GLG1: variants seen among roughly 807,000 people sequenced by gnomAD.
GLG1 encodes the protein golgi glycoprotein 1.
In GLG1, 38 loss-of-function variants were observed where a neutral mutation model predicts 160.5. The observed-to-expected ratio is 0.24, with a 90% confidence interval of 0.18 to 0.31. The LOEUF is 0.31. GLG1 is among the 10% of genes least tolerant of loss of function. GLG1 has a pLI of 1.00. For missense variants in GLG1, 1,373 were observed against 1,505.2 expected, an observed-to-expected ratio of 0.91 and a Z score of 1.45; for synonymous variants, 644 against 543.4, an observed-to-expected ratio of 1.19 and a Z score of -2.57.
At position 74,456,676 on chromosome 16, in the gene GLG1, C is replaced by T. The variant is rs768630425; in HGVS notation, c.3345G>A (p.Arg1115=). The change falls in exon 25 of 26, where the codon CGG becomes CGA. Residue 1115 remains arginine, a synonymous_variant. Coordinates refer to ENST00000422840, the MANE Select transcript of GLG1 (RefSeq NM_001145667.2). ...QPECKKRLND[R]IEMWSYAAKV... ...TTGCTGCGTAACTCCACATCTCAAT[C>T]CGGTCATTGAGGCGCTTTTTGCACT... 3.1e-6 allele frequency: 5 copies of T among 1,606,100 alleles called. No individual in the cohort carries two copies. Among genetic ancestry groups the T allele is most frequent in the Non-Finnish European group, 4.3e-6 (5 of 1,175,826 alleles).
At chr16:74,476,823 G>A (rs1426769206) in intron 12 of GLG1, among the ~76,000 whole-genome samples, 1 of 152,158 alleles carries the variant, frequency 6.6e-6, no homozygotes, top group Non-Finnish European at 1.5e-5. Context: ...TAACTTCTCT[G>A]AGCTTCAATT....
At chr16:74,508,746 G>C in intron 3 of GLG1, 93 bp downstream of exon 3, 1 of 648,808 alleles carries the variant, frequency 1.5e-6, no homozygotes. Flanking sequence ...TCTAAGAAAA[G>C]TAATGTAACT....
intron 4 of GLG1, among the ~76,000 whole-genome samples, chr16:74,498,131 T>C (rs979206245): frequency 6.6e-6 from 1 of 151,622 alleles, no homozygotes; most frequent in African/African-American, 2.4e-5. Flanking sequence ...AACCAAAGCA[T>C]CTTAAAATAT....
At chr16:74,484,555 G>A (rs181705615) in intron 9 of GLG1, among the ~76,000 whole-genome samples, 137 of 152,072 alleles carry the variant, frequency 9.0e-4, no homozygotes, top group Middle Eastern at 3.4e-3. Flanking sequence ...GAGGTCAGGA[G>A]TTCAAGACCA....
intron 13 of GLG1, among the ~76,000 whole-genome samples, chr16:74,473,494 C>A (rs1396654866): frequency 7.5e-6 from 1 of 132,562 alleles, no homozygotes; most frequent in Non-Finnish European, 1.5e-5. Flanking sequence ...GGCTGGAGTG[C>A]AGTGGCGTGA....
At chr16:74,465,548 G>GTGC (rs541965848) in intron 19 of GLG1, 128 bp downstream of exon 19, 5 of 885,564 alleles carry the variant, frequency 5.6e-6, no homozygotes, top group Non-Finnish European at 7.1e-6. Context: ...CTCCCAGGGG[G>GTGC]TGCTGCTGCT....
At chr16:74,467,992 C>A in intron 17 of GLG1, 144 bp from the exon 18 acceptor site, 3 of 582,892 alleles carry the variant, frequency 5.1e-6, no homozygotes, top group South Asian at 2.2e-5. Context: ...GAGAATCAGG[C>A]TTTACTTTCA....
rs552972222 is a variant in GLG1, at chr16:74,607,029, T to C, written c.66A>G (p.Leu22=). 10 of 1,598,008 alleles carry C rather than the reference T, an allele frequency of 6.3e-6. No individual in the cohort carries two copies. Among genetic ancestry groups the C allele is most frequent in the African/African-American group, 5.3e-5 (4 of 74,894 alleles). ...GGAGTTTCTCGGCCCCGGCCGCGAA[T>C]AGCAGCAGCAGATGCAGCGCCGCCG... is the stretch of plus-strand genomic sequence containing the variant. ...RLSAALHLLL[L]FAAGAEKLPG... Residue 22 remains leucine, a synonymous_variant, in exon 1 of 26, where the codon CTA becomes CTG. Coordinates refer to ENST00000422840, the MANE Select transcript of GLG1 (RefSeq NM_001145667.2).
intron 1 of GLG1, among the ~76,000 whole-genome samples, chr16:74,587,785 G>A (rs1958086248): frequency 6.6e-6 from 1 of 152,032 alleles, no homozygotes; most frequent in Non-Finnish European, 1.5e-5. Flanking sequence ...GAACCTGGGA[G>A]GCGGAGGTTG....
intron 20 of GLG1, 179 bp from the exon 21 acceptor site, chr16:74,462,809 T>C (rs2014853867): frequency 4.8e-6 from 3 of 627,274 alleles, no homozygotes; most frequent in African/African-American, 1.8e-5. Flanking sequence ...GCAATATGAC[T>C]TGTTAACGAG....
chr16:74,528,032 C>T (rs1167818632), intron 2 of GLG1, among the ~76,000 whole-genome samples: 2 of 151,074 alleles, frequency 1.3e-5, no homozygotes, highest in African/African-American at 4.9e-5. Context: ...CTACAGATGC[C>T]CACCACCACA....
rs768602077 is a variant in GLG1 at position 74,492,975 on chromosome 16, C to A, written c.1216G>T (p.Glu406Ter). The change falls in exon 7 of 26, where the codon GAG (glutamate) becomes TAG (stop). Residue 406 changes from glutamate to a stop codon, truncating the protein, a stop_gained. Coordinates refer to ENST00000422840, the MANE Select transcript of GLG1 (RefSeq NM_001145667.2). LOFTEE classifies it high-confidence loss of function. The stretch of plus-strand genomic sequence containing the variant: ...ATGCTACCTCTGTGTACAGCTGACT[C>A]CAGGCACATTAACAAGTAGGAGAGC... ...ARLSYLLMCLESAVHRGRQVS... is the reference protein window; with the variant it reads ...ARLSYLLMCL 6.2e-7 allele frequency: 1 copy of A among 1,611,786 alleles called. No individual in the cohort carries two copies.
At chr16:74,552,510 C>T (rs1225549177) in intron 1 of GLG1, 3 of 425,684 alleles carry the variant, frequency 7.0e-6, no homozygotes, top group Admixed American at 5.0e-5. Context: ...CCATCTGCCC[C>T]GTGAGACTGT....
intron 1 of GLG1, among the ~76,000 whole-genome samples, chr16:74,570,459 TA>T (rs947659658): frequency 6.0e-5 from 9 of 151,248 alleles, no homozygotes; most frequent in African/African-American, 1.2e-4. Context: ...GACAGTGGAA[TA>T]AAAAAAAATG....
chr16:74,459,993 C>G (rs1473511695), intron 22 of GLG1, among the ~76,000 whole-genome samples: 1 of 148,692 alleles, frequency 6.7e-6, no homozygotes, highest in African/African-American at 2.5e-5. Context: ...GTAGCTGGGA[C>G]TACAGGCGCG....
rs2015768035 is a variant in GLG1 at position 74,485,803 on chromosome 16, C to T, written c.1564G>A (p.Asp522Asn). ...QTACKHIRSG[D>N]PMILSCLMEH... ...ATGGAGAAGATAACTTACATTGGGT[C>T]TCCAGATCTTATATGTTTGCAGGCT... Residue 522 changes from aspartate (D) to asparagine (N), a missense_variant, in exon 9 of 26, where the codon GAC becomes AAC. Coordinates refer to ENST00000422840, the MANE Select transcript of GLG1 (RefSeq NM_001145667.2). 6.2e-7 allele frequency: 1 copy of T among 1,612,710 alleles called. No homozygotes were observed. Among genetic ancestry groups the T allele is most frequent in the South Asian group, 1.1e-5 (1 of 90,934 alleles).
intron 1 of GLG1, among the ~76,000 whole-genome samples, chr16:74,590,067 C>A (rs1597377144): frequency 6.6e-6 from 1 of 152,094 alleles, no homozygotes; most frequent in South Asian, 2.1e-4. Flanking sequence ...TGCAGTGACA[C>A]GATCTCTGCA....
At chr16:74,547,608 T>C (rs1387991031) in intron 1 of GLG1, among the ~76,000 whole-genome samples, 1 of 152,270 alleles carries the variant, frequency 6.6e-6, no homozygotes, top group East Asian at 1.9e-4. Context: ...AAGAAGCCAA[T>C]CATTAATTGC....
chr16:74,457,836 G>A, intron 24 of GLG1, 38 bp downstream of exon 24: 1 of 1,602,730 alleles, frequency 6.2e-7, no homozygotes, highest in East Asian at 2.2e-5. Flanking sequence ...CTTCCCAAGA[G>A]AGTTCAGACA....
Sources: allele counts gnomAD v4.1 joint callset (sites outside exome capture counted in the v4.1 genomes callset), GRCh38; gene constraint gnomAD v4.1.1; transcripts MANE v1.5; gene names NCBI Gene and HGNC (gene_info 2026-07-23, HGNC 2026-07-21).